Variants in CACNA1C observed in about 807,000 individuals in gnomAD.
The protein encoded by CACNA1C is calcium voltage-gated channel subunit alpha1 C.
A neutral mutation model predicts 229.0 loss-of-function variants in CACNA1C; 30 were observed. The observed-to-expected ratio is 0.13, with a 90% CI of 0.10 to 0.18. The LOEUF is 0.18. Ranked by LOEUF, CACNA1C falls within the 10% of genes least tolerant of loss-of-function variation. The probability of loss-of-function intolerance (pLI) is 1.00; values close to 1 mark genes in which losing one functional copy is unlikely to be tolerated. For synonymous variants in CACNA1C, 1,114 were observed against 1,132.5 expected, an observed-to-expected ratio of 0.98 and a Z score of 0.33; for missense variants, 1,658 against 2,845.0, an observed-to-expected ratio of 0.58 and a Z score of 9.49.
rs369963053 is a variant in CACNA1C at position 2,360,018 on chromosome 12, G to A, written c.478-88958G>A. ...CGATCGCTTGTCCTCAGATAGTAGC[G>A]AGATGGCTGCCTCAGCATCTCCAGG... On this transcript the variant is annotated intron_variant, in intron 3 of 46. Coordinates refer to ENST00000399655, the MANE Select transcript of CACNA1C (RefSeq NM_000719.7). Among the ~76,000 whole-genome samples, 32 of 152,216 alleles carry A rather than the reference G, an allele frequency of 2.1e-4. No homozygotes were observed. The East Asian group carries it at 4.3e-3, about 20-fold the overall frequency.
rs761226093 is a variant in CACNA1C, at chr12:2,567,809, C to G, written c.1895+15C>G. ...AAGATCACGAGGTACTGGGCTCCCCCTCTCACTTTGAAGAGGGGACTCAGG... is the reference window on the plus strand; with the variant it reads ...AAGATCACGAGGTACTGGGCTCCCCGTCTCACTTTGAAGAGGGGACTCAGG... On this transcript the variant is annotated intron_variant, in intron 13 of 46. Transcript: ENST00000399655. 1 of 1,532,612 alleles carries G rather than the reference C, an allele frequency of 6.5e-7. No homozygotes were observed. Among genetic ancestry groups the G allele is most frequent in the South Asian group, 1.1e-5 (1 of 87,630 alleles). 94.9% of individuals were successfully genotyped at this position (1,532,612 alleles called of 1,614,324 possible).
intron 3 of CACNA1C, among the ~76,000 whole-genome samples, chr12:2,419,648 A>G (rs1329941833): frequency 1.3e-5 from 2 of 152,214 alleles, no homozygotes; most frequent in African/African-American, 2.4e-5. Context: ...AGACTTGTCC[A>G]TCTGTGTGTC....
intron 9 of CACNA1C, among the ~76,000 whole-genome samples, chr12:2,548,233 C>T (rs1016115983): frequency 3.9e-5 from 6 of 152,174 alleles, no homozygotes; most frequent in African/African-American, 1.4e-4. Flanking sequence ...CCAGCCCCTC[C>T]AGACTTCAGA....
In CACNA1C at chr12:2,610,604, C is replaced by G; in HGVS notation, c.3622C>G (p.His1208Asp). The G allele has an allele frequency of 6.2e-7, 1 of 1,614,166 alleles. No individual in the cohort carries two copies. Among genetic ancestry groups the G allele is most frequent in the Non-Finnish European group, 8.5e-7 (1 of 1,179,980 alleles). ...GCGGAGGTACATCCCCAAGAACCAGCACCAGTACAAAGTGTGGTACGTGGT... is the reference window on the plus strand; with the variant it reads ...GCGGAGGTACATCCCCAAGAACCAGGACCAGTACAAAGTGTGGTACGTGGT... ...PLRRYIPKNQ[H>D]QYKVWYVVNS... Residue 1208 changes from histidine (H) to aspartate (D), a missense_variant, in exon 28 of 47, where the codon CAC becomes GAC. Transcript: ENST00000399655.
chr12:2,139,348 C>A (rs917650405), intron 3 of CACNA1C, among the ~76,000 whole-genome samples: 3 of 151,202 alleles, frequency 2.0e-5, no homozygotes, highest in African/African-American at 7.3e-5. Flanking sequence ...GCTCCTTCAC[C>A]TTAATCCAGT....
At chr12:2,110,160 C>T (rs888407389) in intron 1 of CACNA1C, among the ~76,000 whole-genome samples, 12 of 152,238 alleles carry the variant, frequency 7.9e-5, no homozygotes, top group African/African-American at 2.9e-4. Context: ...AACTTGGACT[C>T]CTCACTTGGA....
At chr12:2,292,125 A>G (rs1384361775) in intron 3 of CACNA1C, among the ~76,000 whole-genome samples, 1 of 152,252 alleles carries the variant, frequency 6.6e-6, no homozygotes, top group Non-Finnish European at 1.5e-5. Context: ...ACTAAGTGCC[A>G]GGCCTTGTGC....
intron 42 of CACNA1C, among the ~76,000 whole-genome samples, chr12:2,681,792 G>C (rs2097159051): frequency 6.6e-6 from 1 of 152,176 alleles, no homozygotes; most frequent in Admixed American, 6.5e-5. Context: ...GATGGACCAG[G>C]ATCTTTCTCT....
At chr12:2,299,727 A>G (rs1357652148) in intron 3 of CACNA1C, among the ~76,000 whole-genome samples, 1 of 152,050 alleles carries the variant, frequency 6.6e-6, no homozygotes, top group Non-Finnish European at 1.5e-5. Flanking sequence ...GGAAAACTTG[A>G]TCCTCAATTC....
At chr12:2,261,226 C>T (rs144560336) in intron 3 of CACNA1C, among the ~76,000 whole-genome samples, 10 of 149,762 alleles carry the variant, frequency 6.7e-5, no homozygotes, top group East Asian at 3.9e-4. Context: ...AGCGAGACTC[C>T]GTCTCAAAAA....
chr12:2,055,040 C>T (rs866937651), intron 1 of CACNA1C, among the ~76,000 whole-genome samples: 1 of 152,250 alleles, frequency 6.6e-6, no homozygotes, highest in Non-Finnish European at 1.5e-5. Context: ...TCTCTGCTTT[C>T]CAGCATGGGT....
intron 3 of CACNA1C, chr12:2,222,133 A>T (rs532422353): frequency 2.0e-5 from 3 of 152,222 alleles, no homozygotes; most frequent in Non-Finnish European, 4.4e-5. Flanking sequence ...TAAATTTTCT[A>T]ACATAAACAT....
At position 2,594,908 on chromosome 12, in the gene CACNA1C, A is replaced by G. The variant is rs1037907932; in HGVS notation, c.2664-966A>G. 8.5e-5 allele frequency among the ~76,000 whole-genome samples: 13 copies of G among 152,282 alleles called. No homozygotes were observed. The East Asian group carries it at 2.3e-3, about 27-fold the overall frequency. On this transcript the variant is annotated intron_variant, in intron 19 of 46. Transcript: ENST00000399655. ...CACCTCAAGACTGGCTTAACCTGCA[A>G]TTTCTTGACAGCACTGCTGTTATTG...
At chr12:2,183,749 G>A (rs1296749612) in intron 3 of CACNA1C, among the ~76,000 whole-genome samples, 1 of 152,242 alleles carries the variant, frequency 6.6e-6, no homozygotes, top group Non-Finnish European at 1.5e-5. Flanking sequence ...CGCCAGGTGG[G>A]TCAGGAAATA....
rs2048132883 is a variant in CACNA1C at position 2,562,684 on chromosome 12, T to A, written c.1509-3738T>A. On this transcript the variant is annotated intron_variant, in intron 11 of 46. Transcript: ENST00000399655. Reference sequence around the variant, plus strand: ...CCTCCCTCGGATCCAGGGCAGTATGTCTGGGGGTGCAAGAATCCCAAAGTG... The same window carrying A: ...CCTCCCTCGGATCCAGGGCAGTATGACTGGGGGTGCAAGAATCCCAAAGTG... Among the ~76,000 whole-genome samples, 3 of 152,292 alleles carry A rather than the reference T, an allele frequency of 2.0e-5. No individual in the cohort carries two copies. The South Asian group carries it at 6.2e-4, about 32-fold the overall frequency.
At position 2,135,353 on chromosome 12, in the gene CACNA1C, G is replaced by A. The variant is rs374581384; in HGVS notation, c.477+14923G>A. On this transcript the variant is annotated intron_variant, in intron 3 of 46. Transcript: ENST00000399655. ...AGCTTTGTTCTGTTGCTGGTGAGGAGCTGCGTTCCTTTGGAGGAGGAGAGG... is the reference window on the plus strand; with the variant it reads ...AGCTTTGTTCTGTTGCTGGTGAGGAACTGCGTTCCTTTGGAGGAGGAGAGG... 8.0e-3 allele frequency among the ~76,000 whole-genome samples: 1,169 copies of A among 146,292 alleles called. 39 individuals carry two copies. The highest frequency in any genetic ancestry group is 0.011 in the Non-Finnish European group (706 of 66,768).
chr12:2,535,732 A>C (rs889369489), intron 9 of CACNA1C, among the ~76,000 whole-genome samples: 3 of 149,552 alleles, frequency 2.0e-5, no homozygotes, highest in Non-Finnish European at 4.4e-5. Context: ...AAAAAAAAAA[A>C]ACCTAAAACT....
chr12:2,175,751 C>T (rs2096627040), intron 3 of CACNA1C, among the ~76,000 whole-genome samples: 1 of 152,138 alleles, frequency 6.6e-6, no homozygotes, highest in African/African-American at 2.4e-5. Context: ...AAGAAGAACG[C>T]TCTCTCATCA....
chr12:2,645,365 A>G (rs117660151), intron 30 of CACNA1C, among the ~76,000 whole-genome samples: 5,156 of 152,332 alleles, frequency 0.034, 127 homozygotes, highest in Middle Eastern at 0.12. Context: ...TCAGAGATTA[A>G]TGGCCCAAGT....
Sources: allele counts gnomAD v4.1 joint callset (sites outside exome capture counted in the v4.1 genomes callset), GRCh38; gene constraint gnomAD v4.1.1; transcripts MANE v1.5; gene names NCBI Gene and HGNC (gene_info 2026-07-23, HGNC 2026-07-21).